SPAG16: variants seen among roughly 807,000 people sequenced by gnomAD.
SPAG16 encodes the protein sperm-associated antigen 16 protein.
SPAG16 carries 86 observed loss-of-function variants against 80.4 expected under a neutral mutation model. The observed-to-expected ratio is 1.07, with a 90% CI of 0.90 to 1.28. The LOEUF (loss-of-function observed/expected upper bound fraction) is 1.28. Among genes scored for constraint, SPAG16 ranks in the 50% most tolerant of loss-of-function variants. The pLI is 0.00. For synonymous variants in SPAG16, 294 were observed against 265.9 expected, an observed-to-expected ratio of 1.11 and a Z score of -1.03; for missense variants, 870 against 765.3, an observed-to-expected ratio of 1.14 and a Z score of -1.61.
chr2:214,361,581 A>G (rs962522079), intron 15 of SPAG16, among the ~76,000 whole-genome samples: 3 of 151,914 alleles, frequency 2.0e-5, no homozygotes, highest in Admixed American at 2.0e-4. Context: ...TTGTTTAAGC[A>G]TATAACCAAT....
At chr2:214,067,789 A>G (rs573713952) in intron 13 of SPAG16, among the ~76,000 whole-genome samples, 94 of 152,222 alleles carry the variant, frequency 6.2e-4, no homozygotes, top group South Asian at 1.2e-3. Flanking sequence ...AGTAAATGTC[A>G]TTGTGGTTTC....
At chr2:213,865,566 A>T (rs1045959686) in intron 11 of SPAG16, among the ~76,000 whole-genome samples, 2 of 151,188 alleles carry the variant, frequency 1.3e-5, no homozygotes, top group Non-Finnish European at 3.0e-5. Context: ...ACAATGAAAT[A>T]AAAAATGCAA....
intron 15 of SPAG16, among the ~76,000 whole-genome samples, chr2:214,302,818 A>G (rs559007970): frequency 6.6e-6 from 1 of 152,318 alleles, no homozygotes; most frequent in South Asian, 2.1e-4. Context: ...GCTCTGGTGC[A>G]TATGAATTTA....
chr2:214,128,326 GA>G (rs1280803089), intron 14 of SPAG16, among the ~76,000 whole-genome samples: 1 of 151,786 alleles, frequency 6.6e-6, no homozygotes, highest in African/African-American at 2.4e-5. Context: ...GATTGGTTGG[GA>G]GAGTTATTGG....
At chr2:213,366,943 C>T (rs182774713) in intron 8 of SPAG16, among the ~76,000 whole-genome samples, 11 of 152,240 alleles carry the variant, frequency 7.2e-5, no homozygotes, top group Admixed American at 7.2e-4. Flanking sequence ...CCCATTCCCC[C>T]TACCCCATGA....
intron 12 of SPAG16, 42 bp downstream of exon 12, chr2:213,930,187 C>T: frequency 6.9e-7 from 1 of 1,449,238 alleles, no homozygotes; most frequent in South Asian, 1.4e-5. Context: ...TGTGCTGATA[C>T]ATATACGTGG....
At chr2:213,671,481 C>G (rs918908399) in intron 10 of SPAG16, among the ~76,000 whole-genome samples, 27 of 152,176 alleles carry the variant, frequency 1.8e-4, no homozygotes, top group African/African-American at 6.5e-4. Context: ...CAAGATGGCA[C>G]TTCAGAGCCA....
intron 10 of SPAG16, among the ~76,000 whole-genome samples, chr2:213,530,158 A>T (rs557189153): frequency 1.3e-5 from 2 of 152,330 alleles, no homozygotes; most frequent in South Asian, 4.1e-4. Flanking sequence ...GCTAGAGTAT[A>T]CTCTAAAATG....
chr2:214,247,122 G>A (rs1689905436), intron 15 of SPAG16, among the ~76,000 whole-genome samples: 1 of 152,064 alleles, frequency 6.6e-6, no homozygotes. Context: ...GGTGTGTATA[G>A]TCTACTCTTT....
chr2:213,706,072 T>C (rs1038425613), intron 10 of SPAG16, among the ~76,000 whole-genome samples: 1 of 152,198 alleles, frequency 6.6e-6, no homozygotes, highest in Non-Finnish European at 1.5e-5. Context: ...GTTATATACC[T>C]GGCAAAAGAA....
At chr2:214,167,492 A>C (rs940644595) in intron 15 of SPAG16, among the ~76,000 whole-genome samples, 1 of 152,078 alleles carries the variant, frequency 6.6e-6, no homozygotes, top group African/African-American at 2.4e-5. Flanking sequence ...TGTTCTCCCT[A>C]TAAATCCTGT....
chr2:213,451,307 T>G (rs1183490259), intron 9 of SPAG16, among the ~76,000 whole-genome samples: 1 of 152,228 alleles, frequency 6.6e-6, no homozygotes, highest in African/African-American at 2.4e-5. Context: ...CCTCTTTTCC[T>G]AGGTAATTTA....
chr2:213,812,753 T>A (rs1043139735), intron 10 of SPAG16, among the ~76,000 whole-genome samples: 1 of 151,772 alleles, frequency 6.6e-6, no homozygotes, highest in African/African-American at 2.4e-5. Flanking sequence ...TAGCATTTTT[T>A]GTTTTATTAC....
intron 10 of SPAG16, among the ~76,000 whole-genome samples, chr2:213,524,555 G>C (rs2075810386): frequency 6.6e-6 from 1 of 152,196 alleles, no homozygotes; most frequent in Admixed American, 6.5e-5. Context: ...AAAGCCACAG[G>C]GGTGGAGCTG....
At chr2:214,301,552 G>T (rs1019233097) in intron 15 of SPAG16, among the ~76,000 whole-genome samples, 1 of 151,966 alleles carries the variant, frequency 6.6e-6, no homozygotes, top group Non-Finnish European at 1.5e-5. Flanking sequence ...TTTCCTCTAG[G>T]CTTTCTAGTT....
intron 10 of SPAG16, among the ~76,000 whole-genome samples, chr2:213,626,373 G>GA (rs1421207385): frequency 2.0e-5 from 3 of 151,656 alleles, no homozygotes; most frequent in Non-Finnish European, 2.9e-5. Flanking sequence ...GATTTTTAGG[G>GA]GAAAAAAATA....
intron 9 of SPAG16, among the ~76,000 whole-genome samples, chr2:213,376,067 T>G (rs2066870806): frequency 6.6e-6 from 1 of 151,450 alleles, no homozygotes; most frequent in Non-Finnish European, 1.5e-5. Flanking sequence ...TAATCACTTT[T>G]TTGTTATAAT....
At chr2:213,404,461 G>A (rs896938598) in intron 9 of SPAG16, among the ~76,000 whole-genome samples, 13 of 152,056 alleles carry the variant, frequency 8.5e-5, no homozygotes, top group Non-Finnish European at 1.6e-4. Context: ...ATGGGGAAAG[G>A]ATTCCCTATT....
At chr2:213,380,435 T>G (rs2067111968) in intron 9 of SPAG16, among the ~76,000 whole-genome samples, 1 of 152,224 alleles carries the variant, frequency 6.6e-6, no homozygotes, top group Admixed American at 6.5e-5. Flanking sequence ...GTGACAGGAA[T>G]GGAGACCATG....
Sources: allele counts gnomAD v4.1 joint callset (sites outside exome capture counted in the v4.1 genomes callset), GRCh38; gene constraint gnomAD v4.1.1; transcripts MANE v1.5; gene names NCBI Gene and HGNC (gene_info 2026-07-23, HGNC 2026-07-21).